The following NCALD variants were observed in gnomAD, a reference collection of about 807,000 sequenced individuals.
NCALD encodes the protein neurocalcin-delta.
A neutral mutation model predicts 18.6 loss-of-function variants in NCALD; 10 were observed. That is an observed-to-expected ratio of 0.54 (90% CI 0.33 to 0.91). The LOEUF is 0.91. NCALD is among the 40% of genes least tolerant of loss of function. NCALD has a pLI of 0.03. For synonymous variants in NCALD, 88 were observed against 87.4 expected (o/e 1.01, Z -0.04); for missense variants, 184 against 247.6 (o/e 0.74, Z 1.72).
chr8:101,832,445 A>G (rs1371622927), intron 4 of NCALD, among the ~76,000 whole-genome samples: 28 of 152,182 alleles, frequency 1.8e-4, no homozygotes, highest in Admixed American at 1.8e-3. Context: ...AATTATTTTC[A>G]TTGCTTCCCA....
At chr8:101,950,680 T>TC (rs929237692) in intron 2 of NCALD, among the ~76,000 whole-genome samples, 2 of 152,214 alleles carry the variant, frequency 1.3e-5, no homozygotes, top group Middle Eastern at 3.4e-3. Context: ...AGACATTGTG[T>TC]CCCCCCACTT....
chr8:101,973,109 AAAGC>A (rs1216261884), intron 2 of NCALD, among the ~76,000 whole-genome samples: 1 of 152,168 alleles, frequency 6.6e-6, no homozygotes, highest in Non-Finnish European at 1.5e-5. Flanking sequence ...TCTAACAAGG[AAAGC>A]AAGGGGGAAA....
In NCALD at chr8:101,692,125, G is replaced by C. The variant is rs1814756701; in HGVS notation, c.484+666C>G. The C allele has an allele frequency of 6.1e-6, 6 of 981,324 alleles. No homozygotes were observed. The South Asian group carries it at 2.8e-4, about 46-fold the overall frequency. 60.8% of individuals were successfully genotyped at this position (981,324 alleles called of 1,614,324 possible). A position where few individuals can be genotyped will look rare whatever the true frequency, so the allele number is the denominator to read the frequency against. ...TTATCTGAAATTCCAGGATAATTGG[G>C]CCTCCTGTATTCTATCTGGCAATTT... is the stretch of plus-strand genomic sequence containing the variant. On this transcript the variant is annotated intron_variant, in intron 3 of 3. Coordinates refer to ENST00000220931, the MANE Select transcript of NCALD (RefSeq NM_032041.3).
intron 1 of NCALD, among the ~76,000 whole-genome samples, chr8:102,059,743 T>G (rs1027321647): frequency 2.0e-5 from 3 of 152,178 alleles, no homozygotes; most frequent in African/African-American, 7.2e-5. Context: ...AAGTCTTCTT[T>G]TCTTTGGTGA....
chr8:101,818,609 C>T (rs1049773183), intron 4 of NCALD, among the ~76,000 whole-genome samples: 2 of 152,196 alleles, frequency 1.3e-5, no homozygotes, highest in Admixed American at 6.5e-5. Flanking sequence ...CAGTTTCTAG[C>T]CAAATTCCAG....
intron 2 of NCALD, among the ~76,000 whole-genome samples, chr8:101,996,435 T>C (rs1821242309): frequency 6.6e-6 from 1 of 152,258 alleles, no homozygotes; most frequent in African/African-American, 2.4e-5. Context: ...CAAGTGGACA[T>C]GATCTGGGTT....
At chr8:102,103,102 G>A (rs953181023) in intron 1 of NCALD, among the ~76,000 whole-genome samples, 2 of 152,108 alleles carry the variant, frequency 1.3e-5, no homozygotes, top group Non-Finnish European at 2.9e-5. Context: ...AGTAAGGGGA[G>A]ACTCTGTGGA....
rs1586778458 is a variant in NCALD at position 101,932,256 on chromosome 8, G to T, written c.-156-16398C>A. Among the ~76,000 whole-genome samples the T allele has an allele frequency of 2.0e-5, 3 of 152,272 alleles. No individual in the cohort carries two copies. In the East Asian group the frequency reaches 5.8e-4, roughly 29 times the overall value. On this transcript the variant is annotated intron_variant, in intron 2 of 6. Transcript: ENST00000311028. ...TGCAGCCAGGCAGCAGAGGAGTAAAGCCCCTGAGGACAGTCCTCAGCCAAT... is the reference window on the plus strand; with the variant it reads ...TGCAGCCAGGCAGCAGAGGAGTAAATCCCCTGAGGACAGTCCTCAGCCAAT...
intron 4 of NCALD, among the ~76,000 whole-genome samples, chr8:101,832,369 T>C (rs568858368): frequency 6.6e-6 from 1 of 152,194 alleles, no homozygotes; most frequent in East Asian, 1.9e-4. Flanking sequence ...GACGGAGCAT[T>C]TGAACTTCTT....
intron 1 of NCALD, among the ~76,000 whole-genome samples, chr8:102,098,849 C>T (rs2132404374): frequency 6.6e-6 from 1 of 152,310 alleles, no homozygotes; most frequent in East Asian, 1.9e-4. Context: ...GATACTCATC[C>T]CCTGCCACAG....
At position 102,072,804 on chromosome 8, in the gene NCALD, C is replaced by T. The variant is rs1388777969; in HGVS notation, c.-210+51433G>A. Among the ~76,000 whole-genome samples the T allele has an allele frequency of 1.4e-4, 22 of 152,046 alleles. 1 individual carries two copies. Among genetic ancestry groups the T allele is most frequent in the Admixed American group, 1.4e-3 (22 of 15,272 alleles). On this transcript the variant is annotated intron_variant, in intron 1 of 6. Transcript: ENST00000311028. ...GAAACAAGCATTAACCATGGGACAC[C>T]ATTCGAAAGATTTTTCTAAATAATT...
Position 101,812,384 on chromosome 8 carries a change from C to A in NCALD, c.-20+74757G>T, listed in dbSNP as rs1813338061. 2.6e-5 allele frequency among the ~76,000 whole-genome samples: 4 copies of A among 152,036 alleles called. No homozygotes were observed. In the South Asian group the frequency reaches 8.3e-4, roughly 31 times the overall value. ...TATTGAGTTTTCCATAATGTAAAGT[C>A]AATATCCTCTGAGCTCAGCAACTTA... is the stretch of plus-strand genomic sequence containing the variant. On this transcript the variant is annotated intron_variant, in intron 4 of 6. Transcript: ENST00000311028.
chr8:102,096,299 A>G (rs1272403596), intron 1 of NCALD, among the ~76,000 whole-genome samples: 1 of 152,098 alleles, frequency 6.6e-6, no homozygotes, highest in African/African-American at 2.4e-5. Context: ...CTGTGTCTTC[A>G]CGTTGTCTCC....
chr8:102,107,854 T>C (rs1005563816), intron 1 of NCALD, among the ~76,000 whole-genome samples: 2 of 152,188 alleles, frequency 1.3e-5, no homozygotes, highest in Admixed American at 1.3e-4. Context: ...AAATAAGACA[T>C]AGCGTCTCAG....
intron 1 of NCALD, among the ~76,000 whole-genome samples, chr8:102,106,256 A>AG (rs200130920): frequency 0.061 from 9,217 of 151,310 alleles, 421 homozygotes; most frequent in Non-Finnish European, 0.092. Context: ...TATTTTTAGT[A>AG]GGGGGGGTGG....
At chr8:101,865,613 CCT>C (rs1256253035) in intron 4 of NCALD, among the ~76,000 whole-genome samples, 1 of 151,554 alleles carries the variant, frequency 6.6e-6, no homozygotes, top group Non-Finnish European at 1.5e-5. Flanking sequence ...CTCTTTCTCT[CCT>C]CTCTCTTTCT....
intron 2 of NCALD, among the ~76,000 whole-genome samples, chr8:101,967,088 C>T (rs1227504767): frequency 6.6e-6 from 1 of 152,096 alleles, no homozygotes; most frequent in Non-Finnish European, 1.5e-5. Flanking sequence ...AGAACTAGAG[C>T]TTTCAAAACA....
rs1392036383 is a variant in NCALD at position 101,714,921 on chromosome 8, C to T, written c.378+4331G>A. On this transcript the variant is annotated intron_variant, in intron 2 of 3. Transcript: ENST00000220931. The stretch of plus-strand genomic sequence containing the variant: ...CTGAGGCAGGAGAATGGCGTGAACC[C>T]GGGAAGCGGAGCTTGCAGTGAGCCG... Among the ~76,000 whole-genome samples the T allele has an allele frequency of 3.0e-4, 45 of 150,152 alleles. 1 individual carries two copies. Among genetic ancestry groups the T allele is most frequent in the Admixed American group, 1.8e-3 (27 of 15,188 alleles).
intron 2 of NCALD, among the ~76,000 whole-genome samples, chr8:101,710,407 G>A (rs957964653): frequency 1.3e-5 from 2 of 152,134 alleles, no homozygotes; most frequent in African/African-American, 2.4e-5. Context: ...GAACACCAGC[G>A]AGGCAGAGCC....
Sources: gnomAD v4.1 joint callset for allele counts (sites outside exome capture counted in the v4.1 genomes callset) on GRCh38, gnomAD v4.1.1 for gene constraint, MANE v1.5 for transcripts, NCBI Gene and HGNC (gene_info 2026-07-23, HGNC 2026-07-21) for gene names.